The following NAAA variants were observed in gnomAD, a reference collection of about 807,000 sequenced individuals.
NAAA encodes N-acylethanolamine acid amidase.
In NAAA, 39 loss-of-function variants were observed where a neutral mutation model predicts 44.8. The ratio of observed to expected loss-of-function variants is 0.87; its 90% CI spans 0.67 to 1.14. NAAA has a LOEUF of 1.14. Ranked by LOEUF, NAAA falls within the 50% of genes most tolerant of loss-of-function variation. The pLI is 0.00. For missense variants in NAAA, 460 were observed against 467.8 expected, an observed-to-expected ratio of 0.98 and a Z score of 0.15; for synonymous variants, 178 against 191.3, an observed-to-expected ratio of 0.93 and a Z score of 0.58.
chr4:75,931,253 G>C lies in NAAA; in HGVS notation c.550C>G (p.Gln184Glu). The C allele has an allele frequency of 6.2e-7, 1 of 1,612,992 alleles. No homozygotes were observed. Among genetic ancestry groups the C allele is most frequent in the East Asian group, 2.2e-5 (1 of 44,862 alleles). ...GAAACTGTAAACTTGTGTGGGCTCT[G>C]GCCAGTCCATAATCCTACATAGCCA... Reference protein sequence around the residue: ...FIGYVGLWTGQSPHKFTVSGD... With the variant: ...FIGYVGLWTGESPHKFTVSGD... Residue 184 changes from glutamine to glutamate, a missense_variant, in exon 4 of 11, where the codon CAG (glutamine) becomes GAG (glutamate). By Grantham distance (29) the Gln-to-Glu change is conservative. Transcript: ENST00000286733.
At chr4:75,923,044 T>C (rs181960712) in intron 5 of NAAA, among the ~76,000 whole-genome samples, 2 of 151,894 alleles carry the variant, frequency 1.3e-5, no homozygotes, top group Non-Finnish European at 2.9e-5. Context: ...TTTTTTTTTT[T>C]AGTCTAGGTC....
intron 2 of NAAA, 65 bp from the exon 3 acceptor site, chr4:75,936,300 T>C (rs1454134279): frequency 1.3e-6 from 2 of 1,548,964 alleles, no homozygotes; most frequent in African/African-American, 2.8e-5. Context: ...GAAAAGGAGT[T>C]TTTCATTTGT....
chr4:75,923,455 G>A (rs1263283972), intron 5 of NAAA, among the ~76,000 whole-genome samples: 1 of 152,100 alleles, frequency 6.6e-6, no homozygotes, highest in African/African-American at 2.4e-5. Context: ...AAGCTTGCAC[G>A]GGTGAATGCC....
At chr4:75,917,187 G>T (rs993578203) in intron 9 of NAAA, 4 of 623,026 alleles carry the variant, frequency 6.4e-6, no homozygotes, top group Non-Finnish European at 8.0e-6. Context: ...ATTGTGCCCC[G>T]CTATGAAGGG....
intron 4 of NAAA, among the ~76,000 whole-genome samples, chr4:75,928,209 T>C (rs941216176): frequency 1.4e-4 from 22 of 152,190 alleles, no homozygotes; most frequent in Non-Finnish European, 5.9e-5. Flanking sequence ...ATTCCACATA[T>C]AAGTGAAATC....
At chr4:75,925,050 G>A (rs1726534614) in intron 5 of NAAA, among the ~76,000 whole-genome samples, 1 of 151,346 alleles carries the variant, frequency 6.6e-6, no homozygotes, top group Non-Finnish European at 1.5e-5. Context: ...GGAGTTCAGT[G>A]GCACCATCTC....
downstream of NAAA, among the ~76,000 whole-genome samples, chr4:75,911,980 C>G (rs1725344313): frequency 6.6e-6 from 1 of 152,112 alleles, no homozygotes; most frequent in South Asian, 2.1e-4. Context: ...GGTCTGTGCC[C>G]AGGAACGAGC....
intron 4 of NAAA, among the ~76,000 whole-genome samples, chr4:75,927,747 A>G (rs1339997551): frequency 6.7e-6 from 1 of 149,978 alleles, no homozygotes; most frequent in Admixed American, 6.7e-5. Context: ...ATGATCGTGC[A>G]TTTATGAATG....
Position 75,940,877 on chromosome 4 carries a change from G to A in NAAA, c.73C>T (p.Leu25=). 6.4e-7 allele frequency: 1 copy of A among 1,563,940 alleles called. No individual in the cohort carries two copies. The highest frequency in any genetic ancestry group is 2.4e-5 in the East Asian group (1 of 41,330). ...LLLLLLAGAG[L]SAASPPAAPR... is the part of the protein sequence containing the mutation. Reference sequence around the variant, plus strand: ...GCTGCTGGGGGCGAGGCGGCTGACAGCCCGGCCCCGGCCAGCAGCAGCAGC... The same window carrying A: ...GCTGCTGGGGGCGAGGCGGCTGACAACCCGGCCCCGGCCAGCAGCAGCAGC... Residue 25 remains leucine, a synonymous_variant, in exon 1 of 11, where the codon CTG becomes TTG. Coordinates refer to ENST00000286733, the MANE Select transcript of NAAA (RefSeq NM_014435.4).
intron 7 of NAAA, among the ~76,000 whole-genome samples, chr4:75,920,317 T>A (rs1726029295): frequency 6.6e-6 from 1 of 152,234 alleles, no homozygotes; most frequent in Admixed American, 6.5e-5. Flanking sequence ...ATAGAATGTT[T>A]ACAACTTGAA....
At chr4:75,922,777 C>A (rs1374406760) in intron 5 of NAAA, among the ~76,000 whole-genome samples, 2 of 152,210 alleles carry the variant, frequency 1.3e-5, no homozygotes, top group Non-Finnish European at 2.9e-5. Context: ...GAAATTTTCC[C>A]TTGGCCTTTG....
chr4:75,937,151 T>C (rs533224630), intron 2 of NAAA, among the ~76,000 whole-genome samples: 2 of 152,346 alleles, frequency 1.3e-5, no homozygotes, highest in Non-Finnish European at 2.9e-5. Flanking sequence ...AAGGGCACAG[T>C]GGCTCATGCC....
intron 5 of NAAA, among the ~76,000 whole-genome samples, chr4:75,921,917 T>C (rs1560504673): frequency 6.6e-6 from 1 of 152,122 alleles, no homozygotes; most frequent in Non-Finnish European, 1.5e-5. Flanking sequence ...CTTAAGGGGA[T>C]CACTCCCCAA....
At chr4:75,925,838 T>A in intron 4 of NAAA, 27 bp from the exon 5 acceptor site, 1 of 1,595,142 alleles carries the variant, frequency 6.3e-7, no homozygotes, top group Non-Finnish European at 8.6e-7. Context: ...ATATGTTATA[T>A]ATGTGTGTGT....
intron 2 of NAAA, chr4:75,939,779 G>A (rs1274771807): frequency 5.4e-6 from 3 of 552,806 alleles, no homozygotes; most frequent in East Asian, 3.0e-5. Context: ...GCTACACGTA[G>A]AGGGAAAGTT....
chr4:75,913,041 G>C, downstream of NAAA, among the ~76,000 whole-genome samples: 1 of 148,584 alleles, frequency 6.7e-6, no homozygotes, highest in East Asian at 1.9e-4. Context: ...CAAAGGAAAA[G>C]TTAAGCCTGG....
chr4:75,936,489 C>T (rs991992472), intron 2 of NAAA, among the ~76,000 whole-genome samples: 7 of 152,182 alleles, frequency 4.6e-5, no homozygotes, highest in Admixed American at 2.0e-4. Flanking sequence ...GCATCATAAG[C>T]ATAGTAAGTG....
At chr4:75,914,782 T>C (rs1339414240) in intron 10 of NAAA, 86 bp downstream of exon 10, 1 of 852,594 alleles carries the variant, frequency 1.2e-6, no homozygotes, top group African/African-American at 1.7e-5. Flanking sequence ...TATATATGTA[T>C]ACATTTTAAG....
At chr4:75,933,593 C>T (rs777846454) in intron 3 of NAAA, among the ~76,000 whole-genome samples, 12 of 152,028 alleles carry the variant, frequency 7.9e-5, no homozygotes, top group East Asian at 3.9e-4. Flanking sequence ...TTTTCAATTA[C>T]GATACATAAT....
Sources: gnomAD v4.1 joint callset for allele counts (sites outside exome capture counted in the v4.1 genomes callset) on GRCh38, gnomAD v4.1.1 for gene constraint, MANE v1.5 for transcripts, NCBI Gene and HGNC (gene_info 2026-07-23, HGNC 2026-07-21) for gene names.